The following ASTN2 variants were observed in gnomAD, a reference collection of about 807,000 sequenced individuals.
ASTN2 encodes the protein astrotactin 2.
A neutral mutation model predicts 139.8 loss-of-function variants in ASTN2; 54 were observed. The ratio of observed to expected loss-of-function variants is 0.39; its 90% CI spans 0.31 to 0.48. The LOEUF is 0.48. ASTN2 is among the 20% of genes least tolerant of loss of function. The pLI, the probability that ASTN2 is intolerant of heterozygous loss-of-function variation, is 0.95. For synonymous variants in ASTN2, 756 were observed against 719.5 expected (o/e 1.05, Z -0.81); for missense variants, 1,565 against 1,725.1 (o/e 0.91, Z 1.64).
chr9:117,333,194 G>T lies in ASTN2; in HGVS notation c.443-41681C>A, dbSNP rs190711039. On this transcript the variant is annotated intron_variant, in intron 1 of 22. Transcript: ENST00000313400. The stretch of plus-strand genomic sequence containing the variant: ...CTGATGCCTGAACCCATGCCTGGAA[G>T]GCTCCCAACTCCTGTTAATTCCACC... Among the ~76,000 whole-genome samples the T allele has an allele frequency of 6.1e-3, 917 of 151,370 alleles. 9 individuals carry two copies. The highest frequency in any genetic ancestry group is 0.021 in the African/African-American group (869 of 40,680).
chr9:117,255,924 G>T (rs946438278), intron 2 of ASTN2, among the ~76,000 whole-genome samples: 24 of 152,144 alleles, frequency 1.6e-4, no homozygotes, highest in Non-Finnish European at 2.9e-4. Flanking sequence ...ACAACTTATG[G>T]CAGGAAAACT....
At position 117,076,418 on chromosome 9, in the gene ASTN2, TAGA is replaced by T. The variant is rs551849548; in HGVS notation, c.1276+19623_1276+19625del. Among the ~76,000 whole-genome samples, 113 of 149,972 alleles carry T rather than the reference TAGA, an allele frequency of 7.5e-4. 1 individual carries two copies. Among genetic ancestry groups the T allele is most frequent in the African/African-American group, 2.6e-3 (106 of 41,014 alleles). Reference sequence around the variant, plus strand: ...AAGGAAGGAGAAAAAGAGGGGGGGATAGAAGAAGGGAGGGATTCATCTCATTGA... The same window carrying T: ...AAGGAAGGAGAAAAAGAGGGGGGGATAGAAGGGAGGGATTCATCTCATTGA... On this transcript the variant is annotated intron_variant, in intron 5 of 22. Transcript: ENST00000313400.
At chr9:117,230,771 C>T (rs1291088374) in intron 2 of ASTN2, among the ~76,000 whole-genome samples, 4 of 152,088 alleles carry the variant, frequency 2.6e-5, no homozygotes, top group Admixed American at 6.6e-5. Flanking sequence ...GCAGAGGGAG[C>T]GGACAGTGCA....
At position 116,855,615 on chromosome 9, in the gene ASTN2, T is replaced by C. The variant is rs146077751; in HGVS notation, c.2040+7968A>G. Reference sequence around the variant, plus strand: ...GCCCCTCTCTTCATGCTTCCTGACATTGGGGACATTCGCCTTATCCCTAGG... The same window carrying C: ...GCCCCTCTCTTCATGCTTCCTGACACTGGGGACATTCGCCTTATCCCTAGG... On this transcript the variant is annotated intron_variant, in intron 11 of 22. Coordinates refer to ENST00000313400, the MANE Select transcript of ASTN2 (RefSeq NM_001365068.1). Among the ~76,000 whole-genome samples, 81 of 152,282 alleles carry C rather than the reference T, an allele frequency of 5.3e-4. 1 individual carries two copies. In the East Asian group the frequency reaches 0.014, roughly 26 times the overall value.
chr9:117,107,109 T>C (rs1829127447), intron 4 of ASTN2, among the ~76,000 whole-genome samples: 1 of 152,196 alleles, frequency 6.6e-6, no homozygotes, highest in Non-Finnish European at 1.5e-5. Flanking sequence ...ATAAATATTA[T>C]CATTCCATTA....
At chr9:117,265,999 A>G (rs1169437686) in intron 2 of ASTN2, among the ~76,000 whole-genome samples, 1 of 152,166 alleles carries the variant, frequency 6.6e-6, no homozygotes, top group Non-Finnish European at 1.5e-5. Context: ...CTTCCATAAG[A>G]TTTGCTCTAG....
chr9:117,064,164 A>C (rs1441024771), intron 5 of ASTN2, among the ~76,000 whole-genome samples: 1 of 151,820 alleles, frequency 6.6e-6, no homozygotes, highest in Non-Finnish European at 1.5e-5. Context: ...TTACAAGCAG[A>C]AGATCATGTT....
chr9:116,454,013 T>G (rs73520377), intron 20 of ASTN2, among the ~76,000 whole-genome samples: 2,782 of 152,316 alleles, frequency 0.018, 83 homozygotes, highest in African/African-American at 0.064. Flanking sequence ...GACTTTGCTT[T>G]CTTTTCCTAT....
intron 5 of ASTN2, 25 bp from the exon 6 acceptor site, chr9:117,039,990 A>T (rs1339639568): frequency 1.3e-6 from 2 of 1,585,500 alleles, no homozygotes; most frequent in East Asian, 4.6e-5. Context: ...ATACACAAAG[A>T]CACAAAATTC....
chr9:116,556,514 G>A (rs745953127), intron 19 of ASTN2, among the ~76,000 whole-genome samples: 6 of 152,110 alleles, frequency 3.9e-5, no homozygotes, highest in Non-Finnish European at 8.8e-5. Context: ...TTGAGAAGGA[G>A]GCTTCAACCA....
chr9:116,833,913 T>C (rs10113962), intron 11 of ASTN2, among the ~76,000 whole-genome samples: 36,021 of 151,916 alleles, frequency 0.24, 4,902 homozygotes, highest in East Asian at 0.5. Flanking sequence ...GAGACCAGAG[T>C]TCCCTCCCTC....
At position 116,425,689 on chromosome 9, in the gene ASTN2, A is replaced by G; in HGVS notation, c.*162T>C. On this transcript the variant is annotated 3_prime_UTR_variant, in exon 23 of 23. Coordinates refer to ENST00000313400, the MANE Select transcript of ASTN2 (RefSeq NM_001365068.1). ...CCATTGGTTACAAAGGTCTCTGTCCACTATCCACAGGAGAAACCGTTTGCT... is the reference window on the plus strand; with the variant it reads ...CCATTGGTTACAAAGGTCTCTGTCCGCTATCCACAGGAGAAACCGTTTGCT... 1.2e-6 allele frequency: 2 copies of G among 1,608,818 alleles called. No homozygotes were observed.
chr9:117,242,389 T>C (rs1182656000), intron 2 of ASTN2, among the ~76,000 whole-genome samples: 1 of 152,160 alleles, frequency 6.6e-6, no homozygotes, highest in Non-Finnish European at 1.5e-5. Flanking sequence ...TCTGAGTTCT[T>C]AGTACTTGAT....
intron 17 of ASTN2, among the ~76,000 whole-genome samples, chr9:116,630,761 GA>G (rs1856706905): frequency 6.6e-6 from 1 of 152,138 alleles, no homozygotes; most frequent in Admixed American, 6.5e-5. Context: ...ACAGTCAATA[GA>G]GGGAAAAGAC....
chr9:116,816,538 G>A (rs1256956076), intron 12 of ASTN2, among the ~76,000 whole-genome samples: 2 of 152,084 alleles, frequency 1.3e-5, no homozygotes, highest in South Asian at 2.1e-4. Context: ...AATCTTAGGC[G>A]GATGAATTCT....
rs541654658 is a variant in ASTN2, at chr9:116,877,687, C to T, written c.1890-13954G>A. Among the ~76,000 whole-genome samples, 5 of 152,130 alleles carry T rather than the reference C, an allele frequency of 3.3e-5. No individual in the cohort carries two copies. In the East Asian group the frequency reaches 9.7e-4, roughly 29 times the overall value. ...GTGGTATGGTGAGGTTTCATCACACCCAGGCTGTCCCCAGGAGAGCTGGGA... is the reference window on the plus strand; with the variant it reads ...GTGGTATGGTGAGGTTTCATCACACTCAGGCTGTCCCCAGGAGAGCTGGGA... On this transcript the variant is annotated intron_variant, in intron 10 of 22. Transcript: ENST00000313400.
At chr9:116,446,134 G>T (rs191552009) in intron 20 of ASTN2, among the ~76,000 whole-genome samples, 2 of 151,712 alleles carry the variant, frequency 1.3e-5, no homozygotes, top group Non-Finnish European at 2.9e-5. Context: ...TGAGAAGTTG[G>T]GGGGGGACAG....
intron 2 of ASTN2, among the ~76,000 whole-genome samples, chr9:117,274,147 G>A (rs776895581): frequency 1.3e-5 from 2 of 152,078 alleles, no homozygotes; most frequent in Non-Finnish European, 2.9e-5. Context: ...TCAGGAGATC[G>A]AGACCATCCT....
At chr9:117,060,421 AGGAAGGAAGGAAGAGAGAGAG>A in intron 5 of ASTN2, among the ~76,000 whole-genome samples, 3 of 99,612 alleles carry the variant, frequency 3.0e-5, no homozygotes, top group African/African-American at 1.4e-4. Flanking sequence ...AAGGAAAGGA[AGGAAGGAAGGAAGAGAGAGAG>A]AGAAAGAAAG....
Sources: allele counts gnomAD v4.1 joint callset (sites outside exome capture counted in the v4.1 genomes callset), GRCh38; gene constraint gnomAD v4.1.1; transcripts MANE v1.5; gene names NCBI Gene and HGNC (gene_info 2026-07-23, HGNC 2026-07-21).